The following ATP6V0D2 variants were observed in gnomAD, a reference collection of about 807,000 sequenced individuals.
ATP6V0D2 encodes ATPase H+ transporting V0 subunit d2.
In ATP6V0D2, 40 loss-of-function variants were observed where a neutral mutation model predicts 40.0. The ratio of observed to expected loss-of-function variants is 1.00; its 90% CI spans 0.78 to 1.30. The LOEUF (loss-of-function observed/expected upper bound fraction) is 1.30. ATP6V0D2 is among the 50% of genes most tolerant of loss of function. The probability of loss-of-function intolerance (pLI) is 0.00; values close to 1 mark genes in which losing one functional copy is unlikely to be tolerated. For missense variants in ATP6V0D2, 470 were observed against 423.1 expected, an observed-to-expected ratio of 1.11 and a Z score of -0.97; for synonymous variants, 179 against 156.3, an observed-to-expected ratio of 1.15 and a Z score of -1.08.
At chr8:86,140,001 C>G (rs946915762) in intron 3 of ATP6V0D2, among the ~76,000 whole-genome samples, 6 of 152,128 alleles carry the variant, frequency 3.9e-5, no homozygotes, top group African/African-American at 1.2e-4. Context: ...ATGTAATTTT[C>G]TAGCTTGGTT....
Position 86,105,005 on chromosome 8 carries a change from C to T in ATP6V0D2, c.130+5897C>T, listed in dbSNP as rs145036393. On this transcript the variant is annotated intron_variant, in intron 1 of 7. Transcript: ENST00000285393. ...GCACCTTCAATCACAAATTCCATCC[C>T]TTATCCCATGTTCCTGGAAAGCGAC... Among the ~76,000 whole-genome samples the T allele has an allele frequency of 1.2e-3, 176 of 152,240 alleles. 3 individuals are homozygous for T. The highest frequency in any genetic ancestry group is 4.0e-3 in the African/African-American group (167 of 41,554).
intron 5 of ATP6V0D2, among the ~76,000 whole-genome samples, chr8:86,145,374 GA>G (rs1554589941): frequency 1.0e-4 from 8 of 79,244 alleles, no homozygotes; most frequent in East Asian, 5.3e-4. Context: ...AGGAAGGAAG[GA>G]AAGAAAAGAA....
At chr8:86,101,986 T>C (rs1818405151) in intron 1 of ATP6V0D2, among the ~76,000 whole-genome samples, 1 of 152,180 alleles carries the variant, frequency 6.6e-6, no homozygotes, top group South Asian at 2.1e-4. Flanking sequence ...AAAACAAATC[T>C]AAACAAGAAT....
intron 7 of ATP6V0D2, among the ~76,000 whole-genome samples, chr8:86,152,072 C>T (rs1819162610): frequency 6.6e-6 from 1 of 152,012 alleles, no homozygotes; most frequent in South Asian, 2.1e-4. Flanking sequence ...CTATCCCTCC[C>T]CTATTCCCCC....
intron 2 of ATP6V0D2, among the ~76,000 whole-genome samples, chr8:86,122,198 T>G (rs1043555578): frequency 5.3e-5 from 8 of 152,172 alleles, no homozygotes; most frequent in African/African-American, 1.9e-4. Context: ...CTCTCAAGCA[T>G]TCAAAGTATC....
At chr8:86,151,033 G>A (rs564211752) in intron 6 of ATP6V0D2, among the ~76,000 whole-genome samples, 13 of 152,242 alleles carry the variant, frequency 8.5e-5, no homozygotes, top group Non-Finnish European at 1.9e-4. Context: ...ACTCTTTAGC[G>A]TAATATTAAA....
chr8:86,099,630 A>AT (rs1450119531), intron 1 of ATP6V0D2, among the ~76,000 whole-genome samples: 1 of 152,136 alleles, frequency 6.6e-6, no homozygotes, highest in Non-Finnish European at 1.5e-5. Context: ...AGTAACTGAG[A>AT]TTACAGGTGC....
In ATP6V0D2 at chr8:86,131,220, G is replaced by T. The variant is rs78779143; in HGVS notation, c.303-8237G>T. Among the ~76,000 whole-genome samples, 952 of 152,006 alleles carry T rather than the reference G, an allele frequency of 6.3e-3. 11 individuals are homozygous for T. Among genetic ancestry groups the T allele is most frequent in the African/African-American group, 0.022 (917 of 41,476 alleles). The stretch of plus-strand genomic sequence containing the variant: ...ATTTATTTTGTGTGGGAGGTGGGGG[G>T]AACGAAGTCTCACTCTGTCTCCAGG... On this transcript the variant is annotated intron_variant, in intron 2 of 7. Coordinates refer to ENST00000285393, the MANE Select transcript of ATP6V0D2 (RefSeq NM_152565.1).
chr8:86,107,189 T>C (rs915589331), intron 1 of ATP6V0D2, among the ~76,000 whole-genome samples: 1 of 151,970 alleles, frequency 6.6e-6, no homozygotes, highest in Admixed American at 6.6e-5. Flanking sequence ...GAATAATAGA[T>C]TGATAAAAGG....
At chr8:86,107,418 C>T (rs1011762685) in intron 1 of ATP6V0D2, among the ~76,000 whole-genome samples, 4 of 152,122 alleles carry the variant, frequency 2.6e-5, no homozygotes, top group Admixed American at 2.0e-4. Flanking sequence ...AAGATCCTGA[C>T]GCTAACACTG....
At chr8:86,130,692 A>G (rs911041096) in intron 2 of ATP6V0D2, among the ~76,000 whole-genome samples, 5 of 152,080 alleles carry the variant, frequency 3.3e-5, no homozygotes, top group Admixed American at 3.3e-4. Context: ...ACCATTGCAA[A>G]TCCTGGCAGA....
chr8:86,103,274 T>C (rs1428084967), intron 1 of ATP6V0D2, among the ~76,000 whole-genome samples: 2 of 151,252 alleles, frequency 1.3e-5, no homozygotes, highest in African/African-American at 4.9e-5. Context: ...TGTGCCACCA[T>C]GCCTGGCTAG....
chr8:86,099,156 A>G, intron 1 of ATP6V0D2, 48 bp downstream of exon 1: 1 of 1,527,332 alleles, frequency 6.5e-7, no homozygotes, highest in East Asian at 2.4e-5. Context: ...AAAAAAATGA[A>G]ATGATGTCCC....
intron 2 of ATP6V0D2, among the ~76,000 whole-genome samples, chr8:86,119,467 G>A (rs951908121): frequency 6.6e-6 from 1 of 151,956 alleles, no homozygotes; most frequent in Non-Finnish European, 1.5e-5. Flanking sequence ...GACCTCAAGT[G>A]ATCTACCCAC....
chr8:86,104,042 G>A (rs1818435737), intron 1 of ATP6V0D2, among the ~76,000 whole-genome samples: 1 of 151,946 alleles, frequency 6.6e-6, no homozygotes, highest in African/African-American at 2.4e-5. Flanking sequence ...GGCCATGACA[G>A]GTCTCAAACT....
Position 86,150,221 on chromosome 8 carries a change from A to G in ATP6V0D2, c.749A>G (p.Glu250Gly). ...LYPTFGKLYPEGLRLLAQAED... is the reference protein window; with the variant it reads ...LYPTFGKLYPGGLRLLAQAED... ...CCAACCTTCGGCAAACTCTATCCTG[A>G]GGGGTTGCGGCTGTTGGCTCAAGCA... Residue 250 changes from glutamate to glycine, a missense_variant, in exon 6 of 8, where the codon GAG (glutamate) becomes GGG (glycine). Transcript: ENST00000285393. 1 of 1,613,162 alleles carries G rather than the reference A, an allele frequency of 6.2e-7. No individual in the cohort carries two copies. The highest frequency in any genetic ancestry group is 8.5e-7 in the Non-Finnish European group (1 of 1,179,860).
In ATP6V0D2 at chr8:86,139,550, G is replaced by A; in HGVS notation, c.396G>A (p.Leu132=). The A allele has an allele frequency of 6.2e-7, 1 of 1,613,724 alleles. No homozygotes were observed. Residue 132 remains leucine, a synonymous_variant, in exon 3 of 8, where the codon TTG becomes TTA. Coordinates refer to ENST00000285393, the MANE Select transcript of ATP6V0D2 (RefSeq NM_152565.1). ...AAATTCTGGGGAAGTGCCACCCCTT[G>A]GGCCGTTTCACAGAAATGGAAGCTG... The part of the protein sequence containing the change: ...VKEILGKCHP[L]GRFTEMEAVN...
In ATP6V0D2 at chr8:86,116,002, G is replaced by T. The variant is rs1021209565; in HGVS notation, c.302+2122G>T. Among the ~76,000 whole-genome samples, 18 of 152,218 alleles carry T rather than the reference G, an allele frequency of 1.2e-4. 1 individual carries two copies. Among genetic ancestry groups the T allele is most frequent in the South Asian group, 1.0e-3 (5 of 4,814 alleles). The stretch of plus-strand genomic sequence containing the variant: ...TGGGCAAGAGCAGAAGTAAAGGAAG[G>T]CTCTTCTGTTTGGAATTTCACATCG... On this transcript the variant is annotated intron_variant, in intron 2 of 7. Transcript: ENST00000285393.
At chr8:86,103,597 A>T (rs1230553073) in intron 1 of ATP6V0D2, among the ~76,000 whole-genome samples, 1 of 152,092 alleles carries the variant, frequency 6.6e-6, no homozygotes, top group African/African-American at 2.4e-5. Flanking sequence ...AGTACTTTCT[A>T]GCTAGCGCCA....
Sources: allele counts gnomAD v4.1 joint callset (sites outside exome capture counted in the v4.1 genomes callset), GRCh38; gene constraint gnomAD v4.1.1; transcripts MANE v1.5; gene names NCBI Gene and HGNC (gene_info 2026-07-23, HGNC 2026-07-21).